FRMD4A: variants seen among roughly 807,000 people sequenced by gnomAD.
The protein encoded by FRMD4A is FERM domain-containing protein 4A.
Under a neutral mutation model 129.1 loss-of-function variants are expected in FRMD4A, and 29 were observed. That is an observed-to-expected ratio of 0.22 (90% CI 0.17 to 0.31). The LOEUF is 0.31. Ranked by LOEUF, FRMD4A falls within the 10% of genes least tolerant of loss-of-function variation. The pLI is 1.00. For synonymous variants in FRMD4A, 634 were observed against 571.6 expected, an observed-to-expected ratio of 1.11 and a Z score of -1.56; for missense variants, 1,272 against 1,375.8, an observed-to-expected ratio of 0.92 and a Z score of 1.19.
At chr10:14,232,526 T>G (rs564088384) in intron 2 of FRMD4A, among the ~76,000 whole-genome samples, 1 of 151,716 alleles carries the variant, frequency 6.6e-6, no homozygotes, top group Non-Finnish European at 1.5e-5. Flanking sequence ...TTGGGTAGTA[T>G]GGACAGGTAT....
chr10:14,095,585 C>T (rs895568449), intron 2 of FRMD4A, among the ~76,000 whole-genome samples: 1 of 152,238 alleles, frequency 6.6e-6, no homozygotes, highest in African/African-American at 2.4e-5. Context: ...AACGCACTCT[C>T]AACCTTAGCA....
intron 2 of FRMD4A, among the ~76,000 whole-genome samples, chr10:14,298,028 C>A (rs2132085016): frequency 6.6e-6 from 1 of 152,306 alleles, no homozygotes; most frequent in African/African-American, 2.4e-5. Context: ...CCAAATCCAA[C>A]CCAATGCCTG....
chr10:13,885,900 C>T (rs1462731011), intron 2 of FRMD4A, among the ~76,000 whole-genome samples: 3 of 151,994 alleles, frequency 2.0e-5, no homozygotes, highest in African/African-American at 7.2e-5. Flanking sequence ...ATCACCCTCC[C>T]ATCTCTCCTT....
intron 2 of FRMD4A, among the ~76,000 whole-genome samples, chr10:14,099,522 T>C (rs553267633): frequency 7.9e-5 from 12 of 152,254 alleles, no homozygotes; most frequent in Admixed American, 5.2e-4. Context: ...ACTCCTACAA[T>C]CAGCCCTGCA....
At chr10:14,046,438 C>A (rs1472356194) in intron 2 of FRMD4A, among the ~76,000 whole-genome samples, 2 of 152,122 alleles carry the variant, frequency 1.3e-5, no homozygotes, top group Non-Finnish European at 2.9e-5. Context: ...ATATAAAAAA[C>A]CATACGGCAA....
chr10:14,156,224 C>T (rs1320232936), intron 2 of FRMD4A, among the ~76,000 whole-genome samples: 2 of 152,100 alleles, frequency 1.3e-5, no homozygotes, highest in Non-Finnish European at 2.9e-5. Flanking sequence ...TGAACTACAA[C>T]AATACACACC....
intron 2 of FRMD4A, among the ~76,000 whole-genome samples, chr10:14,116,845 A>G (rs190118466): frequency 9.8e-4 from 149 of 152,326 alleles, no homozygotes; most frequent in Middle Eastern, 3.4e-3. Context: ...ACACCATCCA[A>G]AGAAGAGGTA....
In FRMD4A at chr10:14,197,616, C is replaced by T. The variant is rs530537590; in HGVS notation, c.45+132442G>A. Among the ~76,000 whole-genome samples the T allele has an allele frequency of 4.6e-5, 7 of 152,358 alleles. No individual in the cohort carries two copies. In the South Asian group the frequency reaches 1.5e-3, roughly 32 times the overall value. On this transcript the variant is annotated intron_variant, in intron 2 of 24. Transcript: ENST00000357447. ...CTCCAAGTGATCCGCCCACCTCTGC[C>T]TCCCAAAGTGCTGGGATTACAGGCG...
chr10:14,025,133 C>T (rs1832929760), intron 2 of FRMD4A, among the ~76,000 whole-genome samples: 1 of 152,210 alleles, frequency 6.6e-6, no homozygotes, highest in African/African-American at 2.4e-5. Context: ...TTAGATCCCT[C>T]ACACTGTCTT....
At chr10:13,916,203 A>G (rs2095002697) in intron 2 of FRMD4A, among the ~76,000 whole-genome samples, 1 of 151,846 alleles carries the variant, frequency 6.6e-6, no homozygotes, top group African/African-American at 2.4e-5. Flanking sequence ...TCTCTTCCCC[A>G]CCAGGGAAGG....
At chr10:13,673,584 G>GCACACACA (rs575885507) in intron 16 of FRMD4A, among the ~76,000 whole-genome samples, 35 of 150,102 alleles carry the variant, frequency 2.3e-4, no homozygotes, top group South Asian at 1.0e-3. Context: ...ATGCGTGCGC[G>GCACACACA]CGCGCACACA....
chr10:14,318,092 A>C (rs77460850), intron 2 of FRMD4A, among the ~76,000 whole-genome samples: 1,882 of 152,292 alleles, frequency 0.012, 35 homozygotes, highest in African/African-American at 0.043. Flanking sequence ...ATGTTTCCCC[A>C]TTGTAGCAGC....
intron 2 of FRMD4A, chr10:13,870,961 A>C (rs183710828): frequency 6.4e-6 from 1 of 155,314 alleles, no homozygotes; most frequent in East Asian, 1.9e-4. Context: ...TGAAGAAGCC[A>C]TCCAGCCTTC....
chr10:14,174,416 C>CA (rs1841624696), intron 2 of FRMD4A, among the ~76,000 whole-genome samples: 2 of 152,192 alleles, frequency 1.3e-5, no homozygotes, highest in Admixed American at 6.5e-5. Context: ...TGATCTGTAA[C>CA]AACCCACAGG....
At position 13,903,714 on chromosome 10, in the gene FRMD4A, T is replaced by TA. The variant is rs745811713; in HGVS notation, c.46-44803dup. On this transcript the variant is annotated intron_variant, in intron 2 of 24. Coordinates refer to ENST00000357447, the MANE Select transcript of FRMD4A (RefSeq NM_018027.5). ...TAGCAAGACCCCATCTCTAAAAAAA[T>TA]AAAAATAAAAAAAAAATAGCCAGGG... is the stretch of plus-strand genomic sequence containing the variant. Among the ~76,000 whole-genome samples, 23 of 150,590 alleles carry TA rather than the reference T, an allele frequency of 1.5e-4. No individual in the cohort carries two copies. The East Asian group carries it at 2.4e-3, about 15-fold the overall frequency.
At chr10:14,114,615 A>T (rs1838103235) in intron 2 of FRMD4A, among the ~76,000 whole-genome samples, 1 of 152,118 alleles carries the variant, frequency 6.6e-6, no homozygotes, top group Non-Finnish European at 1.5e-5. Flanking sequence ...GTGGAGGAAG[A>T]CTCAATGCAG....
intron 2 of FRMD4A, among the ~76,000 whole-genome samples, chr10:14,126,234 G>T (rs544136149): frequency 7.0e-5 from 10 of 142,180 alleles, no homozygotes; most frequent in African/African-American, 2.4e-4. Flanking sequence ...GCAGTGGTGC[G>T]ATCTTGGCTC....
chr10:14,038,876 G>T (rs1048232663), intron 2 of FRMD4A, among the ~76,000 whole-genome samples: 1 of 152,104 alleles, frequency 6.6e-6, no homozygotes, highest in East Asian at 1.9e-4. Flanking sequence ...ATCTGATTAG[G>T]TTTCTATGTA....
At chr10:14,196,967 G>T (rs1270496599) in intron 2 of FRMD4A, among the ~76,000 whole-genome samples, 1 of 152,174 alleles carries the variant, frequency 6.6e-6, no homozygotes, top group Non-Finnish European at 1.5e-5. Flanking sequence ...ATAGTCTGAG[G>T]CCAGTCTCCA....
Sources: gnomAD v4.1 joint callset for allele counts (sites outside exome capture counted in the v4.1 genomes callset) on GRCh38, gnomAD v4.1.1 for gene constraint, MANE v1.5 for transcripts, NCBI Gene and HGNC (gene_info 2026-07-23, HGNC 2026-07-21) for gene names.